The following VAT1L variants were observed in gnomAD, a reference collection of about 807,000 sequenced individuals.
The protein encoded by VAT1L is putative NADPH-dependent quinone oxidoreductase VAT1L.
In VAT1L, 34 loss-of-function variants were observed where a neutral mutation model predicts 44.1. The ratio of observed to expected loss-of-function variants is 0.77; its 90% CI spans 0.59 to 1.03. VAT1L has a LOEUF of 1.03. Among genes scored for constraint, VAT1L ranks in the 50% least tolerant of loss-of-function variants. The pLI is 0.00. For synonymous variants in VAT1L, 253 were observed against 202.2 expected, an observed-to-expected ratio of 1.25 and a Z score of -2.13; for missense variants, 615 against 538.8, an observed-to-expected ratio of 1.14 and a Z score of -1.40.
chr16:77,804,847 G>C (rs1435120989), intron 1 of VAT1L, among the ~76,000 whole-genome samples: 1 of 152,174 alleles, frequency 6.6e-6, no homozygotes, highest in African/African-American at 2.4e-5. Flanking sequence ...TTTTCTCCCA[G>C]TTTCCTCCCA....
chr16:77,961,961 C>T (rs907574765), intron 7 of VAT1L, among the ~76,000 whole-genome samples: 1 of 152,208 alleles, frequency 6.6e-6, no homozygotes, highest in African/African-American at 2.4e-5. Flanking sequence ...ACAAATCCCT[C>T]ACTGGGAACC....
At chr16:77,947,197 C>T (rs953681488) in intron 7 of VAT1L, among the ~76,000 whole-genome samples, 2 of 152,210 alleles carry the variant, frequency 1.3e-5, no homozygotes, top group Non-Finnish European at 2.9e-5. Context: ...ACGGAAGGAA[C>T]ATAAGGAGGA....
At chr16:77,886,292 A>G (rs2017208629) in intron 7 of VAT1L, among the ~76,000 whole-genome samples, 2 of 152,162 alleles carry the variant, frequency 1.3e-5, no homozygotes. Context: ...ATCATATCTC[A>G]TTGGAACAGG....
intron 7 of VAT1L, among the ~76,000 whole-genome samples, chr16:77,932,102 A>T (rs1296182330): frequency 7.9e-6 from 1 of 126,608 alleles, no homozygotes; most frequent in Non-Finnish European, 1.6e-5. Flanking sequence ...AAATACAGTA[A>T]TTTTTTTTTT....
chr16:77,919,555 C>A (rs912871891), intron 7 of VAT1L, among the ~76,000 whole-genome samples: 1 of 152,186 alleles, frequency 6.6e-6, no homozygotes, highest in African/African-American at 2.4e-5. Context: ...CGAGTCTGAA[C>A]TGCCTTCTCA....
chr16:77,803,641 G>A (rs530109939), intron 1 of VAT1L, among the ~76,000 whole-genome samples: 13 of 152,020 alleles, frequency 8.6e-5, no homozygotes, highest in East Asian at 5.8e-4. Flanking sequence ...GGATGGTCTC[G>A]ATTTCCTGAC....
intron 7 of VAT1L, among the ~76,000 whole-genome samples, chr16:77,905,759 C>T (rs1400466678): frequency 6.6e-6 from 1 of 152,092 alleles, no homozygotes; most frequent in African/African-American, 2.4e-5. Context: ...TGTGTTTGTG[C>T]GTCCTCTGAA....
intron 7 of VAT1L, among the ~76,000 whole-genome samples, chr16:77,950,384 G>C (rs1294924858): frequency 6.8e-6 from 1 of 147,992 alleles, no homozygotes; most frequent in African/African-American, 2.6e-5. Context: ...ACTCCAGCCT[G>C]GGCGACAGAG....
chr16:77,846,470 G>T (rs1473848181), intron 3 of VAT1L, among the ~76,000 whole-genome samples: 1 of 152,094 alleles, frequency 6.6e-6, no homozygotes, highest in Non-Finnish European at 1.5e-5. Context: ...CTTCACTACT[G>T]GCAATATCTT....
intron 8 of VAT1L, among the ~76,000 whole-genome samples, chr16:77,976,299 A>G (rs1395654194): frequency 6.6e-6 from 1 of 152,222 alleles, no homozygotes; most frequent in Admixed American, 6.5e-5. Context: ...ATGAAAGCTC[A>G]TAATAGGGAG....
chr16:77,796,945 A>G (rs2015946087), intron 1 of VAT1L, among the ~76,000 whole-genome samples: 1 of 152,186 alleles, frequency 6.6e-6, no homozygotes, highest in African/African-American at 2.4e-5. Flanking sequence ...CACACTGAGT[A>G]GAATAATAGA....
At chr16:77,903,364 A>C (rs16946782) in intron 7 of VAT1L, among the ~76,000 whole-genome samples, 4,490 of 152,294 alleles carry the variant, frequency 0.029, 268 homozygotes, top group African/African-American at 0.1. Context: ...TCTTGAAATA[A>C]TTTTGGAAAT....
chr16:77,846,473 A>G (rs1181725541), intron 3 of VAT1L, among the ~76,000 whole-genome samples: 2 of 152,192 alleles, frequency 1.3e-5, no homozygotes, highest in Non-Finnish European at 2.9e-5. Flanking sequence ...CACTACTGGC[A>G]ATATCTTCTA....
chr16:77,876,613 A>C, intron 5 of VAT1L, 140 bp downstream of exon 5: 1 of 689,804 alleles, frequency 1.4e-6, no homozygotes, highest in Non-Finnish European at 2.5e-6. Flanking sequence ...GTTTCCTATA[A>C]TGTTTCTATT....
chr16:77,959,878 T>C (rs1251349252), intron 7 of VAT1L, among the ~76,000 whole-genome samples: 2 of 152,132 alleles, frequency 1.3e-5, no homozygotes, highest in Non-Finnish European at 2.9e-5. Flanking sequence ...CCCCAACTAC[T>C]TTCCAGAATT....
intron 7 of VAT1L, among the ~76,000 whole-genome samples, chr16:77,897,382 AC>A (rs796665543): frequency 6.6e-5 from 10 of 152,298 alleles, no homozygotes; most frequent in African/African-American, 2.4e-4. Flanking sequence ...TACACTGTAA[AC>A]CACTCTGCTG....
At chr16:77,836,313 G>A (rs1397727407) in intron 3 of VAT1L, among the ~76,000 whole-genome samples, 1 of 152,056 alleles carries the variant, frequency 6.6e-6, no homozygotes, top group African/African-American at 2.4e-5. Flanking sequence ...TGAGCCCCAG[G>A]ATAAGGGAGA....
chr16:77,944,840 TG>T (rs773823208), intron 7 of VAT1L, among the ~76,000 whole-genome samples: 8 of 151,834 alleles, frequency 5.3e-5, no homozygotes, highest in Non-Finnish European at 7.4e-5. Flanking sequence ...CTCTGCAGAG[TG>T]GTGAACGGCA....
Position 77,789,065 on chromosome 16 carries a change from G to A in VAT1L, c.233+150G>A. The A allele has an allele frequency of 4.0e-6, 4 of 993,814 alleles. 1 individual carries two copies. In the South Asian group the frequency reaches 5.3e-5, roughly 13 times the overall value. The allele number at this position is 993,814 out of a possible 1,614,324, so 61.6% of individuals were successfully genotyped here. On this transcript the variant is annotated intron_variant, in intron 1 of 8. Transcript: ENST00000302536. ...CACCCGGGTCTCAGAGCCTCCCCGGGCCAAAGCTGGGGAGGATGCAGAGGG... is the reference window on the plus strand; with the variant it reads ...CACCCGGGTCTCAGAGCCTCCCCGGACCAAAGCTGGGGAGGATGCAGAGGG...
Sources: gnomAD v4.1 joint callset for allele counts (sites outside exome capture counted in the v4.1 genomes callset) on GRCh38, gnomAD v4.1.1 for gene constraint, MANE v1.5 for transcripts, NCBI Gene and HGNC (gene_info 2026-07-23, HGNC 2026-07-21) for gene names.